Variants in GOLPH3 observed in about 807,000 individuals in gnomAD.
The protein encoded by GOLPH3 is coat protein GPP34.
A neutral mutation model predicts 28.5 loss-of-function variants in GOLPH3; 14 were observed. The ratio of observed to expected loss-of-function variants is 0.49; its 90% CI spans 0.32 to 0.77. The LOEUF (loss-of-function observed/expected upper bound fraction) is 0.77, where lower values mean the gene tolerates loss of function less well. Ranked by LOEUF, GOLPH3 falls within the 30% of genes least tolerant of loss-of-function variation. The pLI is 0.03. For synonymous variants in GOLPH3, 158 were observed against 159.2 expected, an observed-to-expected ratio of 0.99 and a Z score of 0.06; for missense variants, 350 against 393.7, an observed-to-expected ratio of 0.89 and a Z score of 0.94.
chr5:32,148,580 G>T (rs1248485658), intron 1 of GOLPH3, among the ~76,000 whole-genome samples: 2 of 152,240 alleles, frequency 1.3e-5, no homozygotes, highest in South Asian at 4.1e-4. Flanking sequence ...GGCAGATCAC[G>T]ATGTCAGGAG....
In GOLPH3 at chr5:32,144,350, G is replaced by T. The variant is rs1295919148; in HGVS notation, c.226-470C>A. 3.3e-5 allele frequency among the ~76,000 whole-genome samples: 5 copies of T among 152,190 alleles called. No homozygotes were observed. The South Asian group carries it at 1.0e-3, about 32-fold the overall frequency. On this transcript the variant is annotated intron_variant, in intron 1 of 3. Coordinates refer to ENST00000265070, the MANE Select transcript of GOLPH3 (RefSeq NM_022130.4). The stretch of plus-strand genomic sequence containing the variant: ...CCACAAGGTTAATCCGAGCACTTTG[G>T]GAGGCTGAGCCAAGACGATGGCTTG...
chr5:32,173,674 C>T, intron 1 of GOLPH3, 136 bp downstream of exon 1: 1 of 534,032 alleles, frequency 1.9e-6, no homozygotes, highest in Non-Finnish European at 2.8e-6. Context: ...CAGCTGGGCG[C>T]CACCAGGCGC....
Position 32,150,818 on chromosome 5 carries a change from T to G in GOLPH3, c.226-6938A>C, listed in dbSNP as rs540696288. ...CTAGAGCATTTACAATTTCAGATTT[T>G]CGAAATTGGGATTCTCAATCTGTAC... On this transcript the variant is annotated intron_variant, in intron 1 of 3. Transcript: ENST00000265070. 3.3e-5 allele frequency among the ~76,000 whole-genome samples: 5 copies of G among 152,318 alleles called. No individual in the cohort carries two copies. In the South Asian group the frequency reaches 1.0e-3, roughly 32 times the overall value.
At chr5:32,130,642 G>A (rs529234338) in intron 3 of GOLPH3, among the ~76,000 whole-genome samples, 5 of 151,958 alleles carry the variant, frequency 3.3e-5, no homozygotes, top group African/African-American at 4.8e-5. Context: ...GTCAAGAAAC[G>A]AATTATTCTG....
intron 1 of GOLPH3, among the ~76,000 whole-genome samples, chr5:32,155,646 G>C (rs1194043851): frequency 6.6e-6 from 1 of 151,986 alleles, no homozygotes; most frequent in Non-Finnish European, 1.5e-5. Context: ...ACATGTTTGT[G>C]TCCCCCCAAA....
chr5:32,136,118 G>A lies in GOLPH3; in HGVS notation c.358-432C>T, dbSNP rs566948679. ...TGAACCCAGGAGGCAGAGGCTGCAGGAAGCCAAGATCACGCCGCTGCACTC... is the reference window on the plus strand; with the variant it reads ...TGAACCCAGGAGGCAGAGGCTGCAGAAAGCCAAGATCACGCCGCTGCACTC... On this transcript the variant is annotated intron_variant, in intron 2 of 3. Transcript: ENST00000265070. Among the ~76,000 whole-genome samples the A allele has an allele frequency of 7.4e-5, 11 of 148,192 alleles. No homozygotes were observed. The East Asian group carries it at 2.0e-3, about 27-fold the overall frequency.
At chr5:32,170,817 G>T (rs1376160009) in intron 1 of GOLPH3, among the ~76,000 whole-genome samples, 1 of 151,734 alleles carries the variant, frequency 6.6e-6, no homozygotes, top group Non-Finnish European at 1.5e-5. Context: ...AAATATATAG[G>T]CTAATCCCTA....
intron 1 of GOLPH3, among the ~76,000 whole-genome samples, chr5:32,152,045 C>A (rs981560404): frequency 6.6e-6 from 1 of 152,026 alleles, no homozygotes; most frequent in East Asian, 1.9e-4. Context: ...GATGACGGCA[C>A]AGTGTGAATC....
intron 1 of GOLPH3, among the ~76,000 whole-genome samples, chr5:32,167,737 G>A (rs1746747999): frequency 1.3e-5 from 2 of 152,108 alleles, no homozygotes; most frequent in African/African-American, 4.8e-5. Context: ...GATTGCTTGA[G>A]GCCAGGAGTT....
chr5:32,159,694 T>C (rs374125171), intron 1 of GOLPH3, among the ~76,000 whole-genome samples: 2 of 152,242 alleles, frequency 1.3e-5, no homozygotes, highest in African/African-American at 2.4e-5. Flanking sequence ...AAGGTTTTAA[T>C]ACAAGAGAAT....
chr5:32,155,115 T>TAAAAAAAAAA (rs1746390963), intron 1 of GOLPH3, among the ~76,000 whole-genome samples: 2 of 77,706 alleles, frequency 2.6e-5, no homozygotes, highest in African/African-American at 1.2e-4. Context: ...AAAAAAAAAT[T>TAAAAAAAAAA]AACGTTCTAA....
chr5:32,131,521 C>G (rs546770998), intron 3 of GOLPH3, among the ~76,000 whole-genome samples: 6 of 152,132 alleles, frequency 3.9e-5, no homozygotes, highest in African/African-American at 1.4e-4. Context: ...GAAATAAATG[C>G]TTGATAAATG....
At chr5:32,128,863 G>A (rs1298667100) in intron 3 of GOLPH3, among the ~76,000 whole-genome samples, 1 of 151,652 alleles carries the variant, frequency 6.6e-6, no homozygotes, top group South Asian at 2.1e-4. Context: ...AAAACTAGGG[G>A]TAAGGGGGGA....
At chr5:32,144,651 C>T (rs1485875765) in intron 1 of GOLPH3, among the ~76,000 whole-genome samples, 1 of 152,180 alleles carries the variant, frequency 6.6e-6, no homozygotes, top group Non-Finnish European at 1.5e-5. Flanking sequence ...CGCCCACAAA[C>T]AAATGGATGG....
At chr5:32,138,527 C>T (rs1270982040) in intron 2 of GOLPH3, among the ~76,000 whole-genome samples, 1 of 152,004 alleles carries the variant, frequency 6.6e-6, no homozygotes, top group Non-Finnish European at 1.5e-5. Context: ...CTAATGCTAT[C>T]CCTCCCCGCT....
At chr5:32,168,826 G>A (rs1205491017) in intron 1 of GOLPH3, among the ~76,000 whole-genome samples, 1 of 152,208 alleles carries the variant, frequency 6.6e-6, no homozygotes, top group East Asian at 1.9e-4. Flanking sequence ...GCATCCTAGA[G>A]CCGGTCGCAG....
Position 32,125,016 on chromosome 5 carries a change from G to C in GOLPH3, c.*1196C>G, listed in dbSNP as rs1322724446. 1 of 152,454 alleles carries C rather than the reference G, an allele frequency of 6.6e-6. No homozygotes were observed. Among genetic ancestry groups the C allele is most frequent in the Admixed American group, 6.6e-5 (1 of 15,254 alleles). The allele number at this position is 152,454 out of a possible 1,614,324, so 9.4% of individuals were successfully genotyped here. On this transcript the variant is annotated 3_prime_UTR_variant, in exon 4 of 4. Transcript: ENST00000265070. ...GTAAAAATAAACTTTAAAAAGCAAA[G>C]GTTTATAGTCTGACAATGCTAATTA... is the stretch of plus-strand genomic sequence containing the variant.
At chr5:32,151,279 C>A (rs773684859) in intron 1 of GOLPH3, among the ~76,000 whole-genome samples, 41 of 151,136 alleles carry the variant, frequency 2.7e-4, no homozygotes, top group Non-Finnish European at 5.4e-4. Context: ...GTAATCCCAG[C>A]ACTTTGGGAG....
chr5:32,149,700 T>C (rs1249493524), intron 1 of GOLPH3, among the ~76,000 whole-genome samples: 1 of 152,114 alleles, frequency 6.6e-6, no homozygotes, highest in East Asian at 1.9e-4. Flanking sequence ...ATAAGAACTG[T>C]TAAAGAAGTA....
Sources: allele counts gnomAD v4.1 joint callset (sites outside exome capture counted in the v4.1 genomes callset), GRCh38; gene constraint gnomAD v4.1.1; transcripts MANE v1.5; gene names NCBI Gene and HGNC (gene_info 2026-07-23, HGNC 2026-07-21).